Variants in INSC observed in about 807,000 individuals in gnomAD.
The protein encoded by INSC is INSC spindle orientation adaptor protein.
A neutral mutation model predicts 58.6 loss-of-function variants in INSC; 67 were observed. The ratio of observed to expected loss-of-function variants is 1.14; its 90% CI spans 0.94 to 1.40. The LOEUF is 1.40. INSC is among the 40% of genes most tolerant of loss of function. The pLI, the probability that INSC is intolerant of heterozygous loss-of-function variation, is 0.00. For synonymous variants in INSC, 262 were observed against 276.1 expected, an observed-to-expected ratio of 0.95 and a Z score of 0.51; for missense variants, 714 against 692.0, an observed-to-expected ratio of 1.03 and a Z score of -0.36.
intron 5 of INSC, among the ~76,000 whole-genome samples, chr11:15,185,787 T>C (rs1337056886): frequency 6.6e-6 from 1 of 152,224 alleles, no homozygotes; most frequent in East Asian, 1.9e-4. Context: ...AAGAGTGATG[T>C]AATGATTTTA....
At chr11:15,190,009 G>A (rs894493487) in intron 5 of INSC, among the ~76,000 whole-genome samples, 1 of 152,102 alleles carries the variant, frequency 6.6e-6, no homozygotes, top group South Asian at 2.1e-4. Flanking sequence ...TTGGTCTTAT[G>A]TTCAGTCATT....
rs116971177 is a variant in INSC at position 15,126,846 on chromosome 11, G to A, written c.-46+11843G>A. 8.1e-4 allele frequency among the ~76,000 whole-genome samples: 123 copies of A among 152,300 alleles called. 3 individuals carry two copies. In the East Asian group the frequency reaches 0.023, roughly 28 times the overall value. On this transcript the variant is annotated intron_variant, in intron 1 of 12. Coordinates refer to ENST00000379556, the MANE Select transcript of INSC (RefSeq NM_001042536.3). ...CCCATCTTGACCCAGACAAAAGCAGGGTGTTAGGCTTGTCTCAGAGCTGGC... is the reference window on the plus strand; with the variant it reads ...CCCATCTTGACCCAGACAAAAGCAGAGTGTTAGGCTTGTCTCAGAGCTGGC...
At chr11:15,217,592 T>G (rs1374321492) in intron 7 of INSC, among the ~76,000 whole-genome samples, 1 of 152,110 alleles carries the variant, frequency 6.6e-6, no homozygotes, top group Non-Finnish European at 1.5e-5. Flanking sequence ...GTGCAAGAGC[T>G]GCTGAGATGG....
At position 15,245,918 on chromosome 11, in the gene INSC, C is replaced by G; in HGVS notation, c.1477C>G (p.Leu493Val). 1 of 1,614,124 alleles carries G rather than the reference C, an allele frequency of 6.2e-7. No individual in the cohort carries two copies. ...TCTTCTGTCTTCTCCCCAGGCTGCTCTGCGTAGATTGGCTGGGGTCTGCCC... is the reference window on the plus strand; with the variant it reads ...TCTTCTGTCTTCTCCCCAGGCTGCTGTGCGTAGATTGGCTGGGGTCTGCCC... ...DAVLVACLAA[L>V]RRLAGVCPEG... Residue 493 changes from leucine to valine, a missense_variant, in exon 13 of 13, where the codon CTG (leucine) becomes GTG (valine). By Grantham distance (32) the Leu-to-Val change is conservative. Coordinates refer to ENST00000379556, the MANE Select transcript of INSC (RefSeq NM_001042536.3).
At chr11:15,182,413 C>T (rs1327720719) in intron 5 of INSC, among the ~76,000 whole-genome samples, 1 of 152,160 alleles carries the variant, frequency 6.6e-6, no homozygotes, top group East Asian at 1.9e-4. Context: ...AACATACACT[C>T]ACTGGGGGAA....
At chr11:15,155,137 G>T (rs917916696) in intron 2 of INSC, among the ~76,000 whole-genome samples, 2 of 152,158 alleles carry the variant, frequency 1.3e-5, no homozygotes, top group Admixed American at 1.3e-4. Flanking sequence ...TGCAAAATTT[G>T]AGCCAGTCAT....
chr11:15,261,201 G>A, the INSC span, among the ~76,000 whole-genome samples: 2 of 152,130 alleles, frequency 1.3e-5, no homozygotes, highest in African/African-American at 2.4e-5. Context: ...TCCTTTAAGT[G>A]TCTTCATGTG....
rs78090729 is a variant in INSC, at chr11:15,216,459, T to G, written c.820-5018T>G. On this transcript the variant is annotated intron_variant, in intron 7 of 12. Transcript: ENST00000379556. ...TGCTGTGCGTCTTTGTGTCTTCATC[T>G]CTCTTATTTATTTCTGCTTCATCTC... 2.8e-3 allele frequency among the ~76,000 whole-genome samples: 431 copies of G among 152,324 alleles called. 2 individuals carry two copies. Among genetic ancestry groups the G allele is most frequent in the African/African-American group, 8.6e-3 (359 of 41,578 alleles).
At chr11:15,141,701 G>C (rs1413255977) in intron 1 of INSC, among the ~76,000 whole-genome samples, 1 of 152,084 alleles carries the variant, frequency 6.6e-6, no homozygotes, top group East Asian at 1.9e-4. Flanking sequence ...TAGCTCCAAT[G>C]ACTATTGCCA....
chr11:15,251,291 CACTAT>C (rs1349368171), downstream of INSC, among the ~76,000 whole-genome samples: 6 of 152,218 alleles, frequency 3.9e-5, no homozygotes, highest in African/African-American at 1.4e-4. Context: ...TAAGAGCTAA[CACTAT>C]ACAACTCTTC....
At chr11:15,255,757 T>TGTGTGTGTGG in the INSC span, among the ~76,000 whole-genome samples, 6 of 151,922 alleles carry the variant, frequency 3.9e-5, no homozygotes, top group Non-Finnish European at 8.8e-5. Flanking sequence ...TGTGTGTGTG[T>TGTGTGTGTGG]GTGTGTGTTA....
intron 6 of INSC, among the ~76,000 whole-genome samples, chr11:15,195,764 A>T (rs568589875): frequency 1.3e-5 from 2 of 152,304 alleles, no homozygotes; most frequent in Non-Finnish European, 2.9e-5. Flanking sequence ...GGCAGCTCTC[A>T]TCCCAGCTCT....
At position 15,128,263 on chromosome 11, in the gene INSC, T is replaced by G. The variant is rs556247580; in HGVS notation, c.-46+13260T>G. Among the ~76,000 whole-genome samples, 30 of 152,370 alleles carry G rather than the reference T, an allele frequency of 2.0e-4. 1 individual carries two copies. In the South Asian group the frequency reaches 6.2e-3, roughly 32 times the overall value. ...TGGCTGATTTTTCACTTTGCCTGAATTATATCTTTCACTCCTTTGGTCTTT... is the reference window on the plus strand; with the variant it reads ...TGGCTGATTTTTCACTTTGCCTGAAGTATATCTTTCACTCCTTTGGTCTTT... On this transcript the variant is annotated intron_variant, in intron 1 of 12. Coordinates refer to ENST00000379556, the MANE Select transcript of INSC (RefSeq NM_001042536.3).
chr11:15,225,875 A>G lies in INSC; in HGVS notation c.1170+47A>G, dbSNP rs1851618760. On this transcript the variant is annotated intron_variant, in intron 9 of 12. Coordinates refer to ENST00000379556, the MANE Select transcript of INSC (RefSeq NM_001042536.3). The stretch of plus-strand genomic sequence containing the variant: ...GAGCACAGGGCCCATAGCCATGGAG[A>G]CAGAAGTTAGGAGGCCAGCACGTAG... 3 of 1,571,096 alleles carry G rather than the reference A, an allele frequency of 1.9e-6. No homozygotes were observed. In the African/African-American group the frequency reaches 4.1e-5, roughly 21 times the overall value.
intron 1 of INSC, among the ~76,000 whole-genome samples, chr11:15,119,993 G>A (rs1487830923): frequency 2.0e-5 from 3 of 152,162 alleles, no homozygotes; most frequent in South Asian, 2.1e-4. Context: ...AAAGAACACC[G>A]GCCTAATTGG....
In INSC at chr11:15,138,078, G is replaced by A. The variant is rs569958493; in HGVS notation, c.-45-11052G>A. On this transcript the variant is annotated intron_variant, in intron 1 of 12. Coordinates refer to ENST00000379556, the MANE Select transcript of INSC (RefSeq NM_001042536.3). The stretch of plus-strand genomic sequence containing the variant: ...GGGGAACAGGGAGCCCAGAGGAGAG[G>A]GAGAAAGATAGGGGAACAGCAGGTT... Among the ~76,000 whole-genome samples the A allele has an allele frequency of 1.3e-3, 205 of 152,200 alleles. 2 individuals are homozygous for A. Among genetic ancestry groups the A allele is most frequent in the African/African-American group, 4.5e-3 (187 of 41,512 alleles).
At chr11:15,130,468 T>C (rs1273127871) in intron 1 of INSC, among the ~76,000 whole-genome samples, 1 of 152,214 alleles carries the variant, frequency 6.6e-6, no homozygotes, top group Non-Finnish European at 1.5e-5. Flanking sequence ...TTTTCACATA[T>C]AGTGGATTTT....
intron 10 of INSC, among the ~76,000 whole-genome samples, chr11:15,237,167 C>G (rs1852164232): frequency 6.6e-6 from 1 of 152,194 alleles, no homozygotes; most frequent in South Asian, 2.1e-4. Context: ...ACAGAGATAA[C>G]TAAATCCCTG....
chr11:15,139,861 G>T (rs1176635399), intron 1 of INSC, among the ~76,000 whole-genome samples: 1 of 152,214 alleles, frequency 6.6e-6, no homozygotes, highest in Non-Finnish European at 1.5e-5. Context: ...CTGGGCACCA[G>T]ATTCTCACTT....
Sources: allele counts gnomAD v4.1 joint callset (sites outside exome capture counted in the v4.1 genomes callset), GRCh38; gene constraint gnomAD v4.1.1; transcripts MANE v1.5; gene names NCBI Gene and HGNC (gene_info 2026-07-23, HGNC 2026-07-21).